DLC1: variants seen among roughly 807,000 people sequenced by gnomAD.
The protein encoded by DLC1 is rho GTPase-activating protein 7.
DLC1 carries 54 observed loss-of-function variants against 140.3 expected under a neutral mutation model. The ratio of observed to expected loss-of-function variants is 0.38; its 90% CI spans 0.31 to 0.48. DLC1 has a LOEUF of 0.48. Among genes scored for constraint, DLC1 ranks in the 20% least tolerant of loss-of-function variants. DLC1 has a pLI of 0.96. For synonymous variants in DLC1, 986 were observed against 728.1 expected, an observed-to-expected ratio of 1.35 and a Z score of -5.70; for missense variants, 2,536 against 1,907.0, an observed-to-expected ratio of 1.33 and a Z score of -6.14.
intron 5 of DLC1, among the ~76,000 whole-genome samples, chr8:13,153,504 C>T (rs181459850): frequency 6.6e-6 from 1 of 152,218 alleles, no homozygotes; most frequent in Non-Finnish European, 1.5e-5. Flanking sequence ...ACGACCCAAA[C>T]AGGTCGCCAC....
chr8:13,311,538 T>A (rs975611879), intron 4 of DLC1, among the ~76,000 whole-genome samples: 1 of 152,240 alleles, frequency 6.6e-6, no homozygotes, highest in Non-Finnish European at 1.5e-5. Context: ...ATTGATGCTG[T>A]GTATCCTTAT....
At chr8:13,555,797 T>G (rs959995276) in intron 1 of DLC1, among the ~76,000 whole-genome samples, 2 of 152,032 alleles carry the variant, frequency 1.3e-5, no homozygotes, top group Non-Finnish European at 2.9e-5. Flanking sequence ...ACACCGGGCC[T>G]GGCCTTGTAG....
intron 15 of DLC1, among the ~76,000 whole-genome samples, chr8:13,088,921 C>T (rs2128927553): frequency 6.6e-6 from 1 of 152,156 alleles, no homozygotes; most frequent in South Asian, 2.1e-4. Context: ...TATTTAAGAG[C>T]AAGCCAGAAA....
chr8:13,337,784 G>A (rs572195481), intron 4 of DLC1, among the ~76,000 whole-genome samples: 57 of 152,138 alleles, frequency 3.7e-4, no homozygotes, highest in Admixed American at 2.0e-3. Flanking sequence ...GATAGATTCT[G>A]AGCAACAAAG....
chr8:13,086,176 T>G (rs773565356), intron 17 of DLC1, 114 bp downstream of exon 17: 4 of 1,426,820 alleles, frequency 2.8e-6, no homozygotes, highest in South Asian at 1.4e-5. Context: ...CCATTCTTCA[T>G]GAAGTCACCA....
intron 5 of DLC1, among the ~76,000 whole-genome samples, chr8:13,149,906 C>T (rs2128976519): frequency 6.6e-6 from 1 of 152,276 alleles, no homozygotes; most frequent in Non-Finnish European, 1.5e-5. Flanking sequence ...TCTCAAAATC[C>T]AAAACTGAGA....
At chr8:13,275,545 A>T (rs1159192691) in intron 5 of DLC1, among the ~76,000 whole-genome samples, 2 of 152,332 alleles carry the variant, frequency 1.3e-5, no homozygotes, top group South Asian at 2.1e-4. Flanking sequence ...GAGTTTTTTC[A>T]TATCGTAGTG....
At chr8:13,090,848 T>G (rs1299930625) in intron 14 of DLC1, among the ~76,000 whole-genome samples, 1 of 149,576 alleles carries the variant, frequency 6.7e-6, no homozygotes, top group African/African-American at 2.5e-5. Context: ...TTCTGTTACC[T>G]AGTGGAGTGC....
chr8:13,352,123 C>A (rs187634737), intron 4 of DLC1, among the ~76,000 whole-genome samples: 8 of 152,144 alleles, frequency 5.3e-5, no homozygotes, highest in African/African-American at 1.4e-4. Context: ...TGAGTTAAGA[C>A]AACTGTTTAC....
At chr8:13,338,729 T>C (rs1486126751) in intron 4 of DLC1, 4 of 152,140 alleles carry the variant, frequency 2.6e-5, no homozygotes, top group African/African-American at 9.7e-5. Context: ...CAAAAACCAG[T>C]GGTTCCACAC....
At chr8:13,278,111 G>A (rs1212559531) in intron 5 of DLC1, among the ~76,000 whole-genome samples, 1 of 152,214 alleles carries the variant, frequency 6.6e-6, no homozygotes, top group Admixed American at 6.5e-5. Flanking sequence ...CATTGAGCAT[G>A]TACTTCATGG....
chr8:13,251,140 A>G (rs1237554336), intron 5 of DLC1, among the ~76,000 whole-genome samples: 1 of 152,082 alleles, frequency 6.6e-6, no homozygotes, highest in Non-Finnish European at 1.5e-5. Context: ...GCACTCTCCT[A>G]CTGGCTCTTT....
chr8:13,295,865 A>G (rs947700071), intron 5 of DLC1, among the ~76,000 whole-genome samples: 1 of 151,270 alleles, frequency 6.6e-6, no homozygotes, highest in Non-Finnish European at 1.5e-5. Context: ...ATAAAATTAA[A>G]CTGCAAACTG....
intron 2 of DLC1, among the ~76,000 whole-genome samples, chr8:13,455,974 A>C (rs1799367745): frequency 6.6e-6 from 1 of 152,356 alleles, no homozygotes; most frequent in Admixed American, 6.5e-5. Flanking sequence ...AATTTGTGTT[A>C]ATTTTGTTGA....
intron 4 of DLC1, chr8:13,342,027 G>A (rs1021508907): frequency 6.6e-6 from 1 of 152,158 alleles, no homozygotes; most frequent in Non-Finnish European, 1.5e-5. Flanking sequence ...CAGATCGAGA[G>A]GATACATTTG....
intron 5 of DLC1, among the ~76,000 whole-genome samples, chr8:13,287,963 G>T (rs1831595202): frequency 1.3e-5 from 2 of 151,810 alleles, no homozygotes; most frequent in African/African-American, 2.4e-5. Flanking sequence ...TTTAGAAACA[G>T]CTATTTTCTT....
intron 5 of DLC1, among the ~76,000 whole-genome samples, chr8:13,143,621 A>ATT (rs35614849): frequency 1.4e-5 from 2 of 145,106 alleles, no homozygotes; most frequent in Non-Finnish European, 1.5e-5. Flanking sequence ...ACCCTGGTTG[A>ATT]TTTTTTTTTT....
chr8:13,239,388 C>T (rs58189121), intron 5 of DLC1, among the ~76,000 whole-genome samples: 3,343 of 151,922 alleles, frequency 0.022, 126 homozygotes, highest in African/African-American at 0.076. Flanking sequence ...TCCAGGATAA[C>T]TGAAACAGAG....
chr8:13,324,568 G>A (rs1483410537), intron 4 of DLC1, among the ~76,000 whole-genome samples: 11 of 31,420 alleles, frequency 3.5e-4, no homozygotes, highest in Admixed American at 1.3e-3. Flanking sequence ...GCTAGACTCC[G>A]TCTCAAAAAA....
Sources: allele counts gnomAD v4.1 joint callset (sites outside exome capture counted in the v4.1 genomes callset), GRCh38; gene constraint gnomAD v4.1.1; transcripts MANE v1.5; gene names NCBI Gene and HGNC (gene_info 2026-07-23, HGNC 2026-07-21).